MCM10: variants seen among roughly 807,000 people sequenced by gnomAD.
The protein encoded by MCM10 is minichromosome maintenance 10 replication initiation factor, also known as protein MCM10 homolog.
In MCM10, 91 loss-of-function variants were observed where a neutral mutation model predicts 109.9. The ratio of observed to expected loss-of-function variants is 0.83; its 90% CI spans 0.70 to 0.99. The LOEUF is 0.99. MCM10 is among the 50% of genes least tolerant of loss of function. The pLI is 0.00. For missense variants in MCM10, 1,077 were observed against 1,061.2 expected, an observed-to-expected ratio of 1.01 and a Z score of -0.21; for synonymous variants, 380 against 387.2, an observed-to-expected ratio of 0.98 and a Z score of 0.22.
intron 13 of MCM10, among the ~76,000 whole-genome samples, chr10:13,194,760 G>T (rs750992058): frequency 1.1e-4 from 16 of 152,208 alleles, no homozygotes; most frequent in Non-Finnish European, 2.1e-4. Context: ...CCTTGTGGAT[G>T]ACATCCACTG....
chr10:13,200,348 G>A (rs1290642987), intron 16 of MCM10, among the ~76,000 whole-genome samples: 1 of 152,142 alleles, frequency 6.6e-6, no homozygotes, highest in Admixed American at 6.6e-5. Context: ...ATGCATTGCA[G>A]ACAGTGCAGC....
chr10:13,192,715 GA>G (rs1834365256), intron 13 of MCM10, 147 bp downstream of exon 13: 2 of 697,410 alleles, frequency 2.9e-6, no homozygotes, highest in South Asian at 3.7e-5. Context: ...CCCATAACCT[GA>G]ATAGCATTTA....
intron 8 of MCM10, among the ~76,000 whole-genome samples, chr10:13,184,433 T>C (rs1283763020): frequency 2.0e-5 from 3 of 152,228 alleles, no homozygotes; most frequent in African/African-American, 7.2e-5. Context: ...ACTAGAGTTT[T>C]GGCACTACCT....
intron 15 of MCM10, among the ~76,000 whole-genome samples, chr10:13,198,042 A>C (rs1191252127): frequency 6.6e-6 from 1 of 152,012 alleles, no homozygotes; most frequent in African/African-American, 2.4e-5. Context: ...CCTCACGAGT[A>C]AGTGGGACTA....
chr10:13,202,844 ATTTAT>A (rs369758690), intron 17 of MCM10, among the ~76,000 whole-genome samples: 76 of 151,996 alleles, frequency 5.0e-4, no homozygotes, highest in African/African-American at 1.7e-3. Context: ...TTTATTATGT[ATTTAT>A]TTATTTATTT....
At position 13,206,690 on chromosome 10, in the gene MCM10, T is replaced by C. The variant is rs188444576; in HGVS notation, c.2498+2326T>C. On this transcript the variant is annotated intron_variant, in intron 18 of 19. Coordinates refer to ENST00000378714, the MANE Select transcript of MCM10 (RefSeq NM_018518.5). Reference sequence around the variant, plus strand: ...AAAACGTTAGAAAAATTAAAAAAAATTCTGTTTATTAAGTACAGGGCACAA... The same window carrying C: ...AAAACGTTAGAAAAATTAAAAAAAACTCTGTTTATTAAGTACAGGGCACAA... Among the ~76,000 whole-genome samples the C allele has an allele frequency of 6.6e-5, 10 of 152,308 alleles. No homozygotes were observed. In the East Asian group the frequency reaches 1.9e-3, roughly 29 times the overall value.
chr10:13,166,135 A>T (rs1453371369), intron 2 of MCM10, among the ~76,000 whole-genome samples: 1 of 151,960 alleles, frequency 6.6e-6, no homozygotes, highest in Non-Finnish European at 1.5e-5. Context: ...AGAGGGAGAA[A>T]CTGGGGATTC....
At chr10:13,194,948 T>G in intron 13 of MCM10, 93 bp from the exon 14 acceptor site, 2 of 1,118,224 alleles carry the variant, frequency 1.8e-6, no homozygotes, top group Non-Finnish European at 2.6e-6. Context: ...TCCCAACTGG[T>G]GGCCTGCCTG....
rs759261296 is a variant in MCM10, at chr10:13,183,066, C to T, written c.1064C>T (p.Ala355Val). The T allele has an allele frequency of 6.2e-7, 1 of 1,613,978 alleles. No homozygotes were observed. The highest frequency in any genetic ancestry group is 1.3e-5 in the African/African-American group (1 of 74,920). The change falls in exon 8 of 20, where the codon GCC (alanine) becomes GTC (valine). Residue 355 changes from alanine to valine, a missense_variant. Ala to Val is a moderately conservative substitution (Grantham distance 64). Coordinates refer to ENST00000378714, the MANE Select transcript of MCM10 (RefSeq NM_018518.5). ...GGGACTGTCGTAGGGATCCTCAATGCCAACCCCATGAAGCCCAAGGATGGT... is the reference window on the plus strand; with the variant it reads ...GGGACTGTCGTAGGGATCCTCAATGTCAACCCCATGAAGCCCAAGGATGGT... Reference protein sequence around the residue: ...EQGTVVGILNANPMKPKDGSE... With the variant: ...EQGTVVGILNVNPMKPKDGSE...
At chr10:13,163,283 G>T (rs1833951985) in intron 1 of MCM10, among the ~76,000 whole-genome samples, 1 of 152,144 alleles carries the variant, frequency 6.6e-6, no homozygotes, top group Non-Finnish European at 1.5e-5. Context: ...AGGTTGTAGT[G>T]AGCCAATAGC....
Position 13,198,747 on chromosome 10 carries a change from A to G in MCM10, c.2178A>G (p.Glu726=). 3.7e-6 allele frequency: 6 copies of G among 1,614,038 alleles called. No homozygotes were observed. Among genetic ancestry groups the G allele is most frequent in the Non-Finnish European group, 5.1e-6 (6 of 1,180,018 alleles). The change falls in exon 16 of 20, where the codon GAA becomes GAG. Residue 726 remains glutamate (E), a synonymous_variant. Coordinates refer to ENST00000378714, the MANE Select transcript of MCM10 (RefSeq NM_018518.5). Reference sequence around the variant, plus strand: ...GGAGAGAACAACTTGCCTATCTGGAATCTGAGGAATTTCAGAAAATCCTAA... The same window carrying G: ...GGAGAGAACAACTTGCCTATCTGGAGTCTGAGGAATTTCAGAAAATCCTAA... ...KKRREQLAYL[E]SEEFQKILKA... is the part of the protein sequence containing the mutation.
Position 13,171,281 on chromosome 10 carries a change from C to T in MCM10, c.349+18C>T, listed in dbSNP as rs1056435698. ...GTTGCAAGGTGCCCTAACTACTTGC[C>T]TTCCTTATTTCTTTCGGATAAGTTG... On this transcript the variant is annotated intron_variant, in intron 3 of 19. Coordinates refer to ENST00000378714, the MANE Select transcript of MCM10 (RefSeq NM_018518.5). 1.9e-6 allele frequency: 3 copies of T among 1,576,374 alleles called. No homozygotes were observed. In the African/African-American group the frequency reaches 4.1e-5, roughly 22 times the overall value.
chr10:13,188,661 G>T (rs75939616), intron 9 of MCM10, among the ~76,000 whole-genome samples: 2 of 152,140 alleles, frequency 1.3e-5, no homozygotes, highest in African/African-American at 4.8e-5. Context: ...GAGGGCAAGG[G>T]GTATTTCACC....
At chr10:13,166,714 G>C (rs1209635735) in intron 2 of MCM10, among the ~76,000 whole-genome samples, 1 of 148,210 alleles carries the variant, frequency 6.7e-6, no homozygotes, top group East Asian at 1.9e-4. Flanking sequence ...AAAGAGTGGG[G>C]AGTGGGCATA....
chr10:13,170,925 A>T lies in MCM10; in HGVS notation c.11A>T (p.Glu4Val). 1 of 1,611,434 alleles carries T rather than the reference A, an allele frequency of 6.2e-7. No homozygotes were observed. Among genetic ancestry groups the T allele is most frequent in the Non-Finnish European group, 8.5e-7 (1 of 1,177,832 alleles). Residue 4 changes from glutamate to valine, a missense_variant, in exon 3 of 20, where the codon GAG becomes GTG. Transcript: ENST00000378714. Reference protein sequence around the residue: MDEEEDNLSLLTAL... With the variant: MDEVEDNLSLLTAL... ...CCTTTCTCTTCTTTTCCCCTAGAGGAGGAAGACAATCTGTCTCTGCTGACC... is the reference window on the plus strand; with the variant it reads ...CCTTTCTCTTCTTTTCCCCTAGAGGTGGAAGACAATCTGTCTCTGCTGACC...
At chr10:13,164,351 A>G in intron 2 of MCM10, 142 bp downstream of exon 2, 1 of 644,878 alleles carries the variant, frequency 1.6e-6, no homozygotes, top group Non-Finnish European at 2.4e-6. Context: ...AAGCAATCTC[A>G]CATCTCACAG....
chr10:13,204,619 T>G (rs1284782790), intron 18 of MCM10: 2 of 380,736 alleles, frequency 5.3e-6, no homozygotes, highest in Non-Finnish European at 9.4e-6. Context: ...AATAAATAAG[T>G]GAAGAATCAT....
intron 13 of MCM10, 125 bp downstream of exon 13, chr10:13,192,693 T>G (rs77818814): frequency 0.026 from 21,281 of 804,606 alleles, 365 homozygotes; most frequent in Non-Finnish European, 0.034. Context: ...TCTGAAAGTT[T>G]AAAATAGTTT....
rs996676348 is a variant in MCM10 at position 13,186,296 on chromosome 10, G to C, written c.1215+16G>C. The C allele has an allele frequency of 6.6e-7, 1 of 1,510,336 alleles. No individual in the cohort carries two copies. The highest frequency in any genetic ancestry group is 1.4e-5 in the African/African-American group (1 of 72,568). The allele number at this position is 1,510,336 out of a possible 1,614,324, so 93.6% of individuals were successfully genotyped here. A position where few individuals can be genotyped will look rare whatever the true frequency, so the allele number is the denominator to read the frequency against. ...TGTGAATTTGGTTGGTTTCAGCCTT[G>C]TTAGGATGGTTTCTGCTAAAGAAAA... On this transcript the variant is annotated intron_variant, in intron 9 of 19. Coordinates refer to ENST00000378714, the MANE Select transcript of MCM10 (RefSeq NM_018518.5).
Sources: allele counts gnomAD v4.1 joint callset (sites outside exome capture counted in the v4.1 genomes callset), GRCh38; gene constraint gnomAD v4.1.1; transcripts MANE v1.5; gene names NCBI Gene and HGNC (gene_info 2026-07-23, HGNC 2026-07-21).